The following FAM120A variants were observed in gnomAD, a reference collection of about 807,000 sequenced individuals.
The protein encoded by FAM120A is family with sequence similarity 120 member A, also known as constitutive coactivator of PPAR-gamma-like protein 1.
A neutral mutation model predicts 109.7 loss-of-function variants in FAM120A; 15 were observed. The ratio of observed to expected loss-of-function variants is 0.14; its 90% CI spans 0.09 to 0.21. FAM120A has a LOEUF of 0.21. Ranked by LOEUF, FAM120A falls within the 10% of genes least tolerant of loss-of-function variation. The pLI is 1.00. For missense variants in FAM120A, 899 were observed against 1,439.3 expected (o/e 0.62, Z 6.07); for synonymous variants, 493 against 572.8 (o/e 0.86, Z 1.99).
At chr9:93,539,848 T>G (rs554816350) in intron 10 of FAM120A, among the ~76,000 whole-genome samples, 1 of 152,344 alleles carries the variant, frequency 6.6e-6, no homozygotes, top group South Asian at 2.1e-4. Context: ...CAGCTGCCCC[T>G]TTGCAGGGGA....
intron 1 of FAM120A, among the ~76,000 whole-genome samples, chr9:93,459,470 A>T (rs1178169721): frequency 6.6e-6 from 1 of 152,044 alleles, no homozygotes; most frequent in African/African-American, 2.4e-5. Context: ...CCCAATGGTG[A>T]TTGATTCTCC....
intron 1 of FAM120A, among the ~76,000 whole-genome samples, chr9:93,467,244 T>TCCC (rs1453962474): frequency 1.5e-4 from 6 of 38,760 alleles, no homozygotes; most frequent in Non-Finnish European, 3.5e-4. Flanking sequence ...AGATCTGCTG[T>TCCC]CACCCCCCCC....
intron 5 of FAM120A, among the ~76,000 whole-genome samples, chr9:93,509,675 C>T (rs2131385117): frequency 6.6e-6 from 1 of 152,194 alleles, no homozygotes; most frequent in East Asian, 1.9e-4. Context: ...ACTAGACTTG[C>T]CCTTTCTTAG....
chr9:93,471,014 C>A (rs1432307886), intron 1 of FAM120A, 127 bp from the exon 2 acceptor site: 1 of 1,126,494 alleles, frequency 8.9e-7, no homozygotes, highest in Non-Finnish European at 1.3e-6. Context: ...ATTTTTTTGA[C>A]TGTTTGGCTT....
chr9:93,477,446 T>C (rs1367836777), intron 3 of FAM120A, among the ~76,000 whole-genome samples: 1 of 152,260 alleles, frequency 6.6e-6, no homozygotes, highest in Non-Finnish European at 1.5e-5. Context: ...TTAGTTTTTC[T>C]TCTCTTGTTA....
chr9:93,476,487 A>C (rs1175647087), intron 3 of FAM120A, 149 bp downstream of exon 3: 30 of 593,502 alleles, frequency 5.1e-5, no homozygotes, highest in Non-Finnish European at 6.0e-6. Flanking sequence ...CACTGCCTTA[A>C]AAAGCAAGCA....
intron 5 of FAM120A, among the ~76,000 whole-genome samples, chr9:93,510,564 A>G (rs1318119005): frequency 3.3e-5 from 5 of 152,208 alleles, no homozygotes; most frequent in Admixed American, 6.5e-5. Flanking sequence ...AAACTAATTT[A>G]TCTTATTTCA....
intron 5 of FAM120A, among the ~76,000 whole-genome samples, chr9:93,501,881 T>C (rs1426135643): frequency 6.6e-6 from 1 of 152,212 alleles, no homozygotes; most frequent in East Asian, 1.9e-4. Context: ...TTAGCTGTCA[T>C]TGATTTTTAC....
chr9:93,480,388 A>G (rs1469535715), intron 3 of FAM120A, among the ~76,000 whole-genome samples: 4 of 152,152 alleles, frequency 2.6e-5, no homozygotes, highest in Non-Finnish European at 4.4e-5. Context: ...AGTCCCGGAG[A>G]TGCCTGGAGG....
At position 93,452,233 on chromosome 9, in the gene FAM120A, C is replaced by T. The variant is rs1425937661; in HGVS notation, c.318C>T (p.His106=). ...FNGALEKARL[H]EWVKRQGNER... ...GCGCGCTCGAGAAGGCCCGGCTGCA[C>T]GAGTGGGTCAAGCGGCAGGGCAACG... The change falls in exon 1 of 18, where the codon CAC becomes CAT. Residue 106 remains histidine (H), a synonymous_variant. Coordinates refer to ENST00000277165, the MANE Select transcript of FAM120A (RefSeq NM_014612.5). The surrounding 1 kb of genome is among the most constrained non-coding windows in gnomAD (Gnocchi z 7.0). 1 of 1,610,890 alleles carries T rather than the reference C, an allele frequency of 6.2e-7. No individual in the cohort carries two copies. The highest frequency in any genetic ancestry group is 8.5e-7 in the Non-Finnish European group (1 of 1,179,416).
chr9:93,470,167 TG>T (rs1156259856), intron 1 of FAM120A, among the ~76,000 whole-genome samples: 1 of 152,252 alleles, frequency 6.6e-6, no homozygotes, highest in African/African-American at 2.4e-5. Flanking sequence ...CCATTGTTAT[TG>T]GAATCACCTA....
At chr9:93,525,659 T>C (rs920765606) in intron 7 of FAM120A, among the ~76,000 whole-genome samples, 4 of 152,172 alleles carry the variant, frequency 2.6e-5, no homozygotes, top group Non-Finnish European at 5.9e-5. Flanking sequence ...CTCATCCACC[T>C]CCTGAGCCGC....
At chr9:93,507,080 A>G (rs143816396) in intron 5 of FAM120A, among the ~76,000 whole-genome samples, 63 of 152,202 alleles carry the variant, frequency 4.1e-4, no homozygotes, top group African/African-American at 1.3e-3. Flanking sequence ...TGAGGTGTGC[A>G]TTTGAATTGC....
At chr9:93,562,837 GTAGTTT>G (rs1862520409) in intron 17 of FAM120A, among the ~76,000 whole-genome samples, 1 of 151,874 alleles carries the variant, frequency 6.6e-6, no homozygotes, top group Non-Finnish European at 1.5e-5. Flanking sequence ...GCTAATTTTT[GTAGTTT>G]TAGTAGAGTT....
chr9:93,536,460 T>G (rs1417081361), intron 10 of FAM120A, among the ~76,000 whole-genome samples: 1 of 152,244 alleles, frequency 6.6e-6, no homozygotes, highest in Non-Finnish European at 1.5e-5. Context: ...TATATTCCTG[T>G]TAATGGTCAC....
chr9:93,473,169 ACCACG>A (rs1330222327), intron 2 of FAM120A, among the ~76,000 whole-genome samples: 1 of 151,616 alleles, frequency 6.6e-6, no homozygotes, highest in Non-Finnish European at 1.5e-5. Flanking sequence ...GGCGCCCACC[ACCACG>A]CCCGGTTAAT....
chr9:93,524,607 A>G (rs1412682822), intron 7 of FAM120A, among the ~76,000 whole-genome samples: 1 of 152,186 alleles, frequency 6.6e-6, no homozygotes, highest in East Asian at 1.9e-4. Flanking sequence ...TGTGTGCTGC[A>G]TTCTCACATA....
chr9:93,561,004 G>GT (rs1862445896), intron 15 of FAM120A, 105 bp from the exon 16 acceptor site: 1 of 1,281,558 alleles, frequency 7.8e-7, no homozygotes, highest in African/African-American at 1.5e-5. Flanking sequence ...TAGCTTCATA[G>GT]TAAATATAAA....
chr9:93,456,786 C>T (rs540332663), intron 1 of FAM120A, among the ~76,000 whole-genome samples: 2 of 152,056 alleles, frequency 1.3e-5, no homozygotes, highest in Non-Finnish European at 2.9e-5. Flanking sequence ...AGGTCAATTA[C>T]GATAGCTAAC....
Sources: allele counts gnomAD v4.1 joint callset (sites outside exome capture counted in the v4.1 genomes callset), GRCh38; gene constraint gnomAD v4.1.1; non-coding constraint Gnocchi (gnomAD v3.1); transcripts MANE v1.5; gene names NCBI Gene and HGNC (gene_info 2026-07-23, HGNC 2026-07-21).